The following GAP43 variants were observed in gnomAD, a reference collection of about 807,000 sequenced individuals.
The protein encoded by GAP43 is growth associated protein 43.
GAP43 carries 6 observed loss-of-function variants against 18.6 expected under a neutral mutation model. The observed-to-expected ratio is 0.32, with a 90% CI of 0.18 to 0.64. GAP43 has a LOEUF of 0.64. GAP43 is among the 30% of genes least tolerant of loss of function. The probability of loss-of-function intolerance (pLI) is 0.78; values close to 1 mark genes in which losing one functional copy is unlikely to be tolerated. For synonymous variants in GAP43, 115 were observed against 111.4 expected, an observed-to-expected ratio of 1.03 and a Z score of -0.20; for missense variants, 292 against 295.5, an observed-to-expected ratio of 0.99 and a Z score of 0.09.
rs77139573 is a variant in GAP43 at position 115,636,682 on chromosome 3, G to A, written c.30+12963G>A. 3.1e-4 allele frequency among the ~76,000 whole-genome samples: 47 copies of A among 152,100 alleles called. No individual in the cohort carries two copies. The East Asian group carries it at 8.0e-3, about 26-fold the overall frequency. On this transcript the variant is annotated intron_variant, in intron 1 of 2. Coordinates refer to ENST00000305124, the MANE Select transcript of GAP43 (RefSeq NM_002045.4). The stretch of plus-strand genomic sequence containing the variant: ...TCCCCCCTTTCCCCAAATTTCAATG[G>A]TTTCTCTTTGTTTACAAGGTTAATT...
chr3:115,669,435 A>G (rs935875686), intron 1 of GAP43, among the ~76,000 whole-genome samples: 18 of 152,328 alleles, frequency 1.2e-4, no homozygotes, highest in African/African-American at 4.1e-4. Context: ...TCCAATAAAT[A>G]TTAATTGAGC....
At chr3:115,711,151 G>T (rs115633484) in intron 2 of GAP43, among the ~76,000 whole-genome samples, 1 of 151,994 alleles carries the variant, frequency 6.6e-6, no homozygotes, top group Non-Finnish European at 1.5e-5. Context: ...TATCTCTTAC[G>T]TTCCTCCAAG....
intron 1 of GAP43, among the ~76,000 whole-genome samples, chr3:115,673,058 C>T (rs989826495): frequency 6.6e-6 from 1 of 152,052 alleles, no homozygotes; most frequent in Non-Finnish European, 1.5e-5. Context: ...CTCCTGCTTC[C>T]CTTGAATTTC....
At chr3:115,690,414 C>T (rs1709094304) in intron 2 of GAP43, among the ~76,000 whole-genome samples, 1 of 152,106 alleles carries the variant, frequency 6.6e-6, no homozygotes, top group Non-Finnish European at 1.5e-5. Context: ...AGGCATGTTT[C>T]AGAAACATTT....
At chr3:115,643,678 A>T (rs561113741) in intron 1 of GAP43, among the ~76,000 whole-genome samples, 1 of 151,872 alleles carries the variant, frequency 6.6e-6, no homozygotes, top group Non-Finnish European at 1.5e-5. Flanking sequence ...TCATTACCCT[A>T]TGTAAAATGG....
intron 1 of GAP43, among the ~76,000 whole-genome samples, chr3:115,652,116 T>C (rs1708525565): frequency 6.6e-6 from 1 of 152,152 alleles, no homozygotes; most frequent in African/African-American, 2.4e-5. Context: ...GTCTAGTTCC[T>C]TCCAAACATT....
At chr3:115,662,579 C>T (rs28399371) in intron 1 of GAP43, among the ~76,000 whole-genome samples, 171 of 152,214 alleles carry the variant, frequency 1.1e-3, no homozygotes, top group African/African-American at 3.9e-3. Context: ...TGAGCTGATA[C>T]AGTAATATGG....
chr3:115,693,532 A>T (rs920553254), intron 2 of GAP43, among the ~76,000 whole-genome samples: 1 of 152,134 alleles, frequency 6.6e-6, no homozygotes, highest in Non-Finnish European at 1.5e-5. Flanking sequence ...AGGAAAGCAC[A>T]TTGATATTCA....
intron 1 of GAP43, among the ~76,000 whole-genome samples, chr3:115,641,553 C>G (rs1230305775): frequency 7.0e-6 from 1 of 143,050 alleles, no homozygotes; most frequent in Non-Finnish European, 1.5e-5. Flanking sequence ...CGGTGCTTTC[C>G]TGTTTCCCTA....
intron 2 of GAP43, among the ~76,000 whole-genome samples, chr3:115,693,057 T>C (rs966974271): frequency 6.6e-6 from 1 of 152,136 alleles, no homozygotes; most frequent in African/African-American, 2.4e-5. Flanking sequence ...CCACTCAGCC[T>C]CCACAGCTGG....
At chr3:115,715,793 C>T (rs891188040) in intron 2 of GAP43, among the ~76,000 whole-genome samples, 1 of 152,198 alleles carries the variant, frequency 6.6e-6, no homozygotes, top group Admixed American at 6.5e-5. Context: ...TTCAGACCTA[C>T]ATAGCTGTGG....
At chr3:115,693,020 G>T (rs1709133778) in intron 2 of GAP43, among the ~76,000 whole-genome samples, 1 of 152,158 alleles carries the variant, frequency 6.6e-6, no homozygotes, top group Admixed American at 6.5e-5. Flanking sequence ...TTTCTTCCTG[G>T]AGAGTGACGC....
At chr3:115,635,836 A>G (rs1708321800) in intron 1 of GAP43, among the ~76,000 whole-genome samples, 1 of 152,022 alleles carries the variant, frequency 6.6e-6, no homozygotes, top group Non-Finnish European at 1.5e-5. Flanking sequence ...ATTCTTAGCT[A>G]AAAAGAGAAC....
At chr3:115,631,417 G>A (rs940880692) in intron 1 of GAP43, among the ~76,000 whole-genome samples, 10 of 152,134 alleles carry the variant, frequency 6.6e-5, no homozygotes, top group Admixed American at 3.9e-4. Flanking sequence ...AATTAGGTTG[G>A]TGTGAGTCTC....
chr3:115,642,197 C>T (rs1443448141), intron 1 of GAP43, among the ~76,000 whole-genome samples: 3 of 152,026 alleles, frequency 2.0e-5, no homozygotes, highest in South Asian at 2.1e-4. Context: ...AAACAGGGCT[C>T]TTTTACAAAT....
intron 2 of GAP43, among the ~76,000 whole-genome samples, chr3:115,678,864 T>C (rs1708924758): frequency 6.6e-6 from 1 of 151,030 alleles, no homozygotes; most frequent in Admixed American, 6.7e-5. Context: ...TCAGAAATGC[T>C]GCCTGTCGTT....
At chr3:115,668,624 A>C (rs932517636) in intron 1 of GAP43, among the ~76,000 whole-genome samples, 8 of 152,064 alleles carry the variant, frequency 5.3e-5, no homozygotes, top group Non-Finnish European at 8.8e-5. Flanking sequence ...GAGTTTCTCT[A>C]TGTTGGTCAG....
In GAP43 at chr3:115,676,393, A is replaced by C; in HGVS notation, c.411A>C (p.Ser137=). The C allele has an allele frequency of 6.2e-7, 1 of 1,614,004 alleles. No individual in the cohort carries two copies. Among genetic ancestry groups the C allele is most frequent in the Non-Finnish European group, 8.5e-7 (1 of 1,179,894 alleles). The part of the protein sequence containing the change: ...APASSEEKAG[S]AETESATKAS... The stretch of plus-strand genomic sequence containing the variant: ...CATCCTCAGAGGAGAAGGCCGGCTC[A>C]GCTGAGACAGAAAGTGCCACTAAAG... Residue 137 remains serine (S), a synonymous_variant, in exon 2 of 3, where the codon TCA becomes TCC. Coordinates refer to ENST00000305124, the MANE Select transcript of GAP43 (RefSeq NM_002045.4).
intron 1 of GAP43, among the ~76,000 whole-genome samples, chr3:115,633,240 G>A (rs1708285411): frequency 6.6e-6 from 1 of 152,050 alleles, no homozygotes. Context: ...GAGGGACAGA[G>A]GGAGAGAGAC....
Sources: gnomAD v4.1 joint callset for allele counts (sites outside exome capture counted in the v4.1 genomes callset) on GRCh38, gnomAD v4.1.1 for gene constraint, MANE v1.5 for transcripts, NCBI Gene and HGNC (gene_info 2026-07-23, HGNC 2026-07-21) for gene names.